The following NCALD variants were observed in gnomAD, a reference collection of about 807,000 sequenced individuals.
The protein encoded by NCALD is neurocalcin-delta.
A neutral mutation model predicts 18.6 loss-of-function variants in NCALD; 10 were observed. The ratio of observed to expected loss-of-function variants is 0.54; its 90% CI spans 0.33 to 0.91. The LOEUF is 0.91. Ranked by LOEUF, NCALD falls within the 40% of genes least tolerant of loss-of-function variation. The probability of loss-of-function intolerance (pLI) is 0.03; values close to 1 mark genes in which losing one functional copy is unlikely to be tolerated. For missense variants in NCALD, 184 were observed against 247.6 expected, an observed-to-expected ratio of 0.74 and a Z score of 1.72; for synonymous variants, 88 against 87.4, an observed-to-expected ratio of 1.01 and a Z score of -0.04.
intron 2 of NCALD, among the ~76,000 whole-genome samples, chr8:101,942,411 T>C (rs894345668): frequency 2.6e-5 from 4 of 152,098 alleles, no homozygotes; most frequent in African/African-American, 9.7e-5. Flanking sequence ...GAGATCACAG[T>C]CCAATAGAGA....
At chr8:101,885,551 A>C (rs1383012625) in intron 4 of NCALD, among the ~76,000 whole-genome samples, 2 of 152,168 alleles carry the variant, frequency 1.3e-5, no homozygotes, top group Admixed American at 6.5e-5. Context: ...CTTTTCTGTC[A>C]ATTTCTCATC....
At position 101,959,719 on chromosome 8, in the gene NCALD, T is replaced by C. The variant is rs574364818; in HGVS notation, c.-156-43861A>G. The stretch of plus-strand genomic sequence containing the variant: ...ACAACATGTTGTTGCAGGCTCAACT[T>C]GTACTTTGCCTGCCCTAGTTCTGAA... On this transcript the variant is annotated intron_variant, in intron 2 of 6. Transcript: ENST00000311028. 3.2e-4 allele frequency among the ~76,000 whole-genome samples: 49 copies of C among 152,278 alleles called. 1 individual carries two copies. The highest frequency in any genetic ancestry group is 1.2e-3 in the African/African-American group (48 of 41,560).
intron 4 of NCALD, among the ~76,000 whole-genome samples, chr8:101,867,126 G>C (rs1204683782): frequency 1.3e-5 from 2 of 152,050 alleles, no homozygotes; most frequent in Non-Finnish European, 2.9e-5. Context: ...TCCTGGCATG[G>C]TCTCCCACCA....
chr8:102,001,095 T>C (rs901318303), intron 2 of NCALD, among the ~76,000 whole-genome samples: 1 of 152,176 alleles, frequency 6.6e-6, no homozygotes, highest in African/African-American at 2.4e-5. Context: ...AGGAGGAAGT[T>C]TGAACCCATG....
chr8:101,954,624 G>C (rs1257254276), intron 2 of NCALD, among the ~76,000 whole-genome samples: 2 of 152,154 alleles, frequency 1.3e-5, no homozygotes, highest in Non-Finnish European at 2.9e-5. Flanking sequence ...AGAGAGGAGA[G>C]GACAAAGGGA....
intron 1 of NCALD, among the ~76,000 whole-genome samples, chr8:101,771,167 C>G (rs1020227347): frequency 4.6e-5 from 7 of 152,170 alleles, no homozygotes; most frequent in Admixed American, 2.0e-4. Context: ...CAAACAATAA[C>G]AAGATATGGC....
intron 1 of NCALD, among the ~76,000 whole-genome samples, chr8:102,020,903 G>C (rs564673797): frequency 6.6e-6 from 1 of 151,996 alleles, no homozygotes; most frequent in South Asian, 2.1e-4. Context: ...AGCTCCCAGC[G>C]TTCATACACA....
At chr8:102,025,362 T>C (rs1391705906) in intron 1 of NCALD, among the ~76,000 whole-genome samples, 4 of 152,200 alleles carry the variant, frequency 2.6e-5, no homozygotes, top group Non-Finnish European at 5.9e-5. Flanking sequence ...TCACAACTGA[T>C]GGTTATATAT....
At chr8:101,935,767 AG>A (rs775464742) in intron 2 of NCALD, among the ~76,000 whole-genome samples, 32 of 148,412 alleles carry the variant, frequency 2.2e-4, no homozygotes, top group Non-Finnish European at 2.5e-4. Flanking sequence ...GCTATAGCTT[AG>A]AGGATCAAGA....
At chr8:101,776,575 TCACAACAAGCAGCAGA>T (rs1586473860) in intron 1 of NCALD, among the ~76,000 whole-genome samples, 1 of 151,990 alleles carries the variant, frequency 6.6e-6, no homozygotes, top group East Asian at 1.9e-4. Flanking sequence ...CTACCAAACA[TCACAACAAGCAGCAGA>T]GCTTGTTGGC....
At chr8:101,946,269 T>C (rs529670360) in intron 2 of NCALD, among the ~76,000 whole-genome samples, 2 of 152,200 alleles carry the variant, frequency 1.3e-5, no homozygotes, top group Non-Finnish European at 2.9e-5. Flanking sequence ...ACTCCTGTTA[T>C]GTGCCAGGCA....
chr8:101,712,685 G>T (rs761962366), intron 2 of NCALD, among the ~76,000 whole-genome samples: 2 of 151,656 alleles, frequency 1.3e-5, no homozygotes, highest in African/African-American at 4.9e-5. Flanking sequence ...ACAAAGAAGG[G>T]CATTACATAA....
intron 1 of NCALD, among the ~76,000 whole-genome samples, chr8:102,098,845 C>T (rs560267353): frequency 3.2e-4 from 48 of 152,238 alleles, no homozygotes; most frequent in Admixed American, 5.2e-4. Flanking sequence ...TTATGATACT[C>T]ATCCCCTGCC....
chr8:102,003,069 CA>C (rs1180008894), intron 2 of NCALD, among the ~76,000 whole-genome samples: 1 of 151,968 alleles, frequency 6.6e-6, no homozygotes, highest in Admixed American at 6.5e-5. Context: ...AAAAAACCTT[CA>C]AAAAATCAAT....
chr8:102,103,393 C>T (rs570998635), intron 1 of NCALD, among the ~76,000 whole-genome samples: 14 of 152,184 alleles, frequency 9.2e-5, no homozygotes, highest in Non-Finnish European at 1.8e-4. Flanking sequence ...CAGTCCATAC[C>T]GCACAGTGTT....
intron 1 of NCALD, among the ~76,000 whole-genome samples, chr8:102,081,211 A>G (rs1265580564): frequency 6.6e-6 from 1 of 152,230 alleles, no homozygotes; most frequent in Non-Finnish European, 1.5e-5. Context: ...CGAAAAGAAC[A>G]AAATATTCAA....
intron 2 of NCALD, among the ~76,000 whole-genome samples, chr8:101,706,513 A>AT (rs1815533042): frequency 1.3e-5 from 2 of 152,178 alleles, no homozygotes; most frequent in African/African-American, 4.8e-5. Context: ...ATTAAATGAG[A>AT]TAGTGCCTTT....
intron 1 of NCALD, among the ~76,000 whole-genome samples, chr8:102,068,597 C>T (rs941467139): frequency 1.3e-5 from 2 of 152,236 alleles, no homozygotes; most frequent in Admixed American, 6.5e-5. Flanking sequence ...CCCCTGCCCA[C>T]ACCCTCTAGA....
At chr8:101,766,611 TG>T (rs1811358466) in intron 1 of NCALD, among the ~76,000 whole-genome samples, 1 of 152,176 alleles carries the variant, frequency 6.6e-6, no homozygotes, top group Non-Finnish European at 1.5e-5. Context: ...TTTTTTGAGA[TG>T]GGGTCTGTCT....
Sources: allele counts gnomAD v4.1 joint callset (sites outside exome capture counted in the v4.1 genomes callset), GRCh38; gene constraint gnomAD v4.1.1; transcripts MANE v1.5; gene names NCBI Gene and HGNC (gene_info 2026-07-23, HGNC 2026-07-21).